The following RAB38 variants were observed in gnomAD, a reference collection of about 807,000 sequenced individuals.
RAB38 encodes the protein ras-related protein Rab-38.
RAB38 carries 15 observed loss-of-function variants against 18.4 expected under a neutral mutation model. The observed-to-expected ratio is 0.82, with a 90% CI of 0.55 to 1.26. The LOEUF (loss-of-function observed/expected upper bound fraction) is 1.26. Among genes scored for constraint, RAB38 ranks in the 50% most tolerant of loss-of-function variants. The pLI is 0.00. For synonymous variants in RAB38, 101 were observed against 104.4 expected, an observed-to-expected ratio of 0.97 and a Z score of 0.20; for missense variants, 294 against 267.4, an observed-to-expected ratio of 1.10 and a Z score of -0.69.
chr11:87,930,153 A>T, the RAB38 span, among the ~76,000 whole-genome samples: 1 of 152,074 alleles, frequency 6.6e-6, no homozygotes, highest in South Asian at 2.1e-4. Context: ...GACTTCCACA[A>T]TGGTTGAACT....
At chr11:87,931,440 G>T in the RAB38 span, among the ~76,000 whole-genome samples, 1 of 151,992 alleles carries the variant, frequency 6.6e-6, no homozygotes, top group Non-Finnish European at 1.5e-5. Flanking sequence ...TTTGCACTAG[G>T]TTGGGAAATG....
chr11:87,890,714 T>G, the RAB38 span, among the ~76,000 whole-genome samples: 6 of 151,870 alleles, frequency 4.0e-5, no homozygotes, highest in African/African-American at 1.2e-4. Flanking sequence ...ATCCTCTGTG[T>G]TTTTGCATAA....
the RAB38 span, among the ~76,000 whole-genome samples, chr11:87,926,780 T>C: frequency 1.3e-5 from 2 of 152,022 alleles, no homozygotes; most frequent in African/African-American, 4.8e-5. Flanking sequence ...GGATGACTCA[T>C]TCATCAATGC....
the RAB38 span, among the ~76,000 whole-genome samples, chr11:87,939,649 G>A: frequency 6.6e-6 from 1 of 152,070 alleles, no homozygotes; most frequent in African/African-American, 2.4e-5. Context: ...CTTGAGCCCA[G>A]GAGTGCGAGA....
the RAB38 span, among the ~76,000 whole-genome samples, chr11:87,856,421 G>A: frequency 6.6e-6 from 1 of 152,248 alleles, no homozygotes; most frequent in African/African-American, 2.4e-5. Flanking sequence ...ACGCACATTG[G>A]ATTGTGACAT....
chr11:87,856,645 A>C, the RAB38 span, among the ~76,000 whole-genome samples: 1 of 152,122 alleles, frequency 6.6e-6, no homozygotes, highest in African/African-American at 2.4e-5. Context: ...ATTTATCATC[A>C]AGGTGCCTTG....
chr11:87,910,481 T>G, the RAB38 span, among the ~76,000 whole-genome samples: 1 of 152,118 alleles, frequency 6.6e-6, no homozygotes, highest in African/African-American at 2.4e-5. Flanking sequence ...AATTTTTTAA[T>G]TCATTCTTTT....
the RAB38 span, among the ~76,000 whole-genome samples, chr11:87,856,650 G>A: frequency 1.1e-4 from 17 of 152,122 alleles, no homozygotes; most frequent in African/African-American, 3.9e-4. Context: ...TCATCAAGGT[G>A]CCTTGGTCCC....
chr11:88,114,756 T>C (rs1052190683), intron 2 of RAB38, among the ~76,000 whole-genome samples: 3 of 152,210 alleles, frequency 2.0e-5, no homozygotes, highest in Non-Finnish European at 2.9e-5. Context: ...TTTCTGTTTC[T>C]CCCTGTGGAA....
chr11:87,821,910 T>A, the RAB38 span, among the ~76,000 whole-genome samples: 3 of 151,826 alleles, frequency 2.0e-5, no homozygotes, highest in Admixed American at 6.6e-5. Flanking sequence ...TGAAATACAT[T>A]ATAATAATAT....
At chr11:87,898,290 C>T in the RAB38 span, among the ~76,000 whole-genome samples, 59 of 151,720 alleles carry the variant, frequency 3.9e-4, no homozygotes, top group African/African-American at 1.3e-3. Flanking sequence ...AACCACAGAG[C>T]GTGGGTAAAA....
the RAB38 span, among the ~76,000 whole-genome samples, chr11:87,969,888 C>T: frequency 2.0e-5 from 3 of 151,994 alleles, no homozygotes; most frequent in Middle Eastern, 3.2e-3. Flanking sequence ...CAGCAGTAAC[C>T]AGAGAAGCAG....
the RAB38 span, among the ~76,000 whole-genome samples, chr11:87,853,094 G>T: frequency 6.6e-6 from 1 of 152,154 alleles, no homozygotes; most frequent in Non-Finnish European, 1.5e-5. Context: ...AGATGGAGTA[G>T]AATGTCTATT....
chr11:87,832,562 C>A, the RAB38 span, among the ~76,000 whole-genome samples: 1 of 152,158 alleles, frequency 6.6e-6, no homozygotes, highest in South Asian at 2.1e-4. Context: ...TCGCTGTCCA[C>A]TGGGGGCCTC....
chr11:87,876,400 GCTCT>G, the RAB38 span, among the ~76,000 whole-genome samples: 6 of 151,630 alleles, frequency 4.0e-5, no homozygotes, highest in Middle Eastern at 3.4e-3. Flanking sequence ...TGGTCCAAAA[GCTCT>G]CTCTATCTCC....
chr11:87,951,856 TGAG>T, the RAB38 span, among the ~76,000 whole-genome samples: 2 of 152,152 alleles, frequency 1.3e-5, no homozygotes, highest in African/African-American at 2.4e-5. Flanking sequence ...GGGACCCACT[TGAG>T]GAGGCAGTCT....
the RAB38 span, among the ~76,000 whole-genome samples, chr11:88,014,258 G>C: frequency 6.6e-6 from 1 of 152,054 alleles, no homozygotes; most frequent in Non-Finnish European, 1.5e-5. Flanking sequence ...TCAGGGAGTT[G>C]AAAAAATTTC....
chr11:88,053,071 TA>T, the RAB38 span, among the ~76,000 whole-genome samples: 1 of 132,282 alleles, frequency 7.6e-6, no homozygotes, highest in Non-Finnish European at 1.6e-5. Context: ...ATTATATATA[TA>T]CACATATATA....
At chr11:88,047,200 T>C in the RAB38 span, among the ~76,000 whole-genome samples, 1 of 152,206 alleles carries the variant, frequency 6.6e-6, no homozygotes, top group African/African-American at 2.4e-5. Context: ...ACTCACTCTT[T>C]GTTGAGTCTC....
Sources: gnomAD v4.1 joint callset for allele counts (sites outside exome capture counted in the v4.1 genomes callset) on GRCh38, gnomAD v4.1.1 for gene constraint, MANE v1.5 for transcripts, NCBI Gene and HGNC (gene_info 2026-07-23, HGNC 2026-07-21) for gene names.